ZFYVE9: variants seen among roughly 807,000 people sequenced by gnomAD.
ZFYVE9 encodes zinc finger FYVE-type containing 9.
ZFYVE9 carries 43 observed loss-of-function variants against 126.7 expected under a neutral mutation model. The observed-to-expected ratio is 0.34, with a 90% CI of 0.27 to 0.44. ZFYVE9 has a LOEUF of 0.44. Among genes scored for constraint, ZFYVE9 ranks in the 20% least tolerant of loss-of-function variants. ZFYVE9 has a pLI of 1.00. For synonymous variants in ZFYVE9, 521 were observed against 597.4 expected, an observed-to-expected ratio of 0.87 and a Z score of 1.87; for missense variants, 1,476 against 1,697.0, an observed-to-expected ratio of 0.87 and a Z score of 2.29.
At chr1:52,203,651 AG>A (rs1293238866) in intron 1 of ZFYVE9, among the ~76,000 whole-genome samples, 3 of 151,448 alleles carry the variant, frequency 2.0e-5, no homozygotes, top group African/African-American at 7.3e-5. Flanking sequence ...TTTAGTTACA[AG>A]TATTTTTTTC....
chr1:52,271,395 C>T (rs141750761), intron 7 of ZFYVE9, among the ~76,000 whole-genome samples: 1,614 of 152,198 alleles, frequency 0.011, 22 homozygotes, highest in African/African-American at 0.036. Flanking sequence ...TGGCACTTAA[C>T]AAGTGCCCAG....
intron 13 of ZFYVE9, among the ~76,000 whole-genome samples, chr1:52,310,556 A>G (rs1343174432): frequency 6.6e-6 from 1 of 152,124 alleles, no homozygotes; most frequent in Admixed American, 6.6e-5. Context: ...GCAAAAAAAG[A>G]CACATAGAAC....
intron 1 of ZFYVE9, among the ~76,000 whole-genome samples, chr1:52,152,351 T>C (rs494163): frequency 0.97 from 147,277 of 152,250 alleles, 71,251 homozygotes; most frequent in East Asian, 1. Flanking sequence ...TAGTAATTAA[T>C]ACCCTTTACT....
At chr1:52,213,235 T>C (rs953409213) in intron 1 of ZFYVE9, among the ~76,000 whole-genome samples, 4 of 152,214 alleles carry the variant, frequency 2.6e-5, no homozygotes, top group Non-Finnish European at 1.5e-5. Flanking sequence ...TTCCTTTATT[T>C]TTCTGAACTA....
chr1:52,242,473 G>A (rs1407344765), intron 4 of ZFYVE9, among the ~76,000 whole-genome samples: 6 of 152,032 alleles, frequency 3.9e-5, no homozygotes, highest in Non-Finnish European at 7.3e-5. Context: ...TAGAACATAC[G>A]GGTGCTCAGT....
At chr1:52,316,806 G>A (rs965386991) in intron 13 of ZFYVE9, among the ~76,000 whole-genome samples, 5 of 152,074 alleles carry the variant, frequency 3.3e-5, no homozygotes, top group Admixed American at 1.3e-4. Context: ...AAAATCAGCG[G>A]GACTATGGAA....
At chr1:52,266,943 G>T in intron 6 of ZFYVE9, 112 bp downstream of exon 6, 1 of 1,009,600 alleles carries the variant, frequency 9.9e-7, no homozygotes, top group Non-Finnish European at 1.4e-6. Flanking sequence ...AAGTCTCTTT[G>T]GGTGGTTATT....
chr1:52,296,092 A>T (rs1569697649), intron 12 of ZFYVE9, 115 bp downstream of exon 12: 1 of 752,270 alleles, frequency 1.3e-6, no homozygotes, highest in Non-Finnish European at 2.2e-6. Context: ...GCAGGTAAAG[A>T]TATATGCTGA....
At chr1:52,241,636 T>A (rs1439757503) in intron 4 of ZFYVE9, among the ~76,000 whole-genome samples, 2 of 152,182 alleles carry the variant, frequency 1.3e-5, no homozygotes, top group Non-Finnish European at 2.9e-5. Context: ...TGAGTAGAAT[T>A]TGTGGAATTT....
intron 1 of ZFYVE9, among the ~76,000 whole-genome samples, chr1:52,173,948 AACCGGCTCCT>A (rs1215640576): frequency 6.7e-6 from 1 of 148,642 alleles, no homozygotes; most frequent in Non-Finnish European, 1.5e-5. Context: ...CCTTTCAAAA[AACCGGCTCCT>A]GGATTCATTA....
chr1:52,233,533 G>T (rs1645244215), intron 3 of ZFYVE9, among the ~76,000 whole-genome samples: 1 of 152,158 alleles, frequency 6.6e-6, no homozygotes. Flanking sequence ...GAGTTATCTT[G>T]TGAACAAGTG....
rs111464705 is a variant in ZFYVE9, at chr1:52,323,868, G to A, written c.3439-8900G>A. On this transcript the variant is annotated intron_variant, in intron 13 of 18. Transcript: ENST00000287727. Reference sequence around the variant, plus strand: ...GGAGTTCACAACCACCCTGACTAACGTGGTGAAACCCCGTCTCTACTAAAT... The same window carrying A: ...GGAGTTCACAACCACCCTGACTAACATGGTGAAACCCCGTCTCTACTAAAT... Among the ~76,000 whole-genome samples the A allele has an allele frequency of 5.4e-3, 788 of 146,286 alleles. 3 individuals carry two copies. Among genetic ancestry groups the A allele is most frequent in the Non-Finnish European group, 8.9e-3 (599 of 67,054 alleles).
chr1:52,149,613 A>T (rs1471709737), intron 1 of ZFYVE9, among the ~76,000 whole-genome samples: 1 of 152,128 alleles, frequency 6.6e-6, no homozygotes, highest in East Asian at 1.9e-4. Flanking sequence ...ATATTACCCG[A>T]TGTTTTGGTT....
At chr1:52,288,351 G>A (rs1645883492) in intron 10 of ZFYVE9, among the ~76,000 whole-genome samples, 1 of 152,188 alleles carries the variant, frequency 6.6e-6, no homozygotes, top group Non-Finnish European at 1.5e-5. Flanking sequence ...CTGTGTAGCA[G>A]TGGTGCCATC....
In ZFYVE9 at chr1:52,238,637, T is replaced by G. The variant is rs1485403717; in HGVS notation, c.1220T>G (p.Leu407Arg). 2 of 1,613,912 alleles carry G rather than the reference T, an allele frequency of 1.2e-6. No homozygotes were observed. Among genetic ancestry groups the G allele is most frequent in the Non-Finnish European group, 1.7e-6 (2 of 1,179,988 alleles). Reference protein sequence around the residue: ...QDMTNWKLTKLNEMNDSQVNE... With the variant: ...QDMTNWKLTKRNEMNDSQVNE... ...ATGACTAATTGGAAGTTGACTAAAC[T>G]AAATGAGATGAATGATAGCCAAGTA... Residue 407 changes from leucine (L) to arginine (R), a missense_variant, in exon 4 of 19, where the codon CTA becomes CGA. By Grantham distance (102) the Leu-to-Arg change is moderately radical. Around this residue, in one of 2 missense-constraint regions of ZFYVE9, gnomAD observed 807 missense variants for 794.6 expected, o/e 1.02. Transcript: ENST00000287727.
At chr1:52,269,138 T>G (rs1333913464) in intron 7 of ZFYVE9, among the ~76,000 whole-genome samples, 3 of 152,124 alleles carry the variant, frequency 2.0e-5, no homozygotes, top group African/African-American at 7.2e-5. Context: ...TTGGATACTT[T>G]TTTTTCTTTT....
chr1:52,212,661 CTTAA>C (rs1282800948), intron 1 of ZFYVE9, among the ~76,000 whole-genome samples: 3 of 152,108 alleles, frequency 2.0e-5, no homozygotes, highest in South Asian at 4.1e-4. Context: ...ATATGCTATA[CTTAA>C]TTAAATAATT....
intron 1 of ZFYVE9, chr1:52,160,500 CG>C (rs1462005582): frequency 2.5e-6 from 2 of 789,154 alleles, no homozygotes; most frequent in Admixed American, 3.4e-5. Flanking sequence ...TCACCTGAAG[CG>C]GCTACTCTAG....
Position 52,238,534 on chromosome 1 carries a change from G to A in ZFYVE9, c.1117G>A (p.Glu373Lys). The A allele has an allele frequency of 1.2e-6, 2 of 1,614,038 alleles. No individual in the cohort carries two copies. Among genetic ancestry groups the A allele is most frequent in the Admixed American group, 1.7e-5 (1 of 60,002 alleles). ...TAATGAAGTTAGGGCTGATGAAAAT[G>A]AAGGTTATGAACATGAAGAAACTCT... ...VPNEVRADEN[E>K]GYEHEETLGT... The change falls in exon 4 of 19, where the codon GAA (glutamate) becomes AAA (lysine). Residue 373 changes from glutamate to lysine, a missense_variant. Physicochemically the swap from Glu to Lys is moderately conservative, Grantham distance 56. Transcript: ENST00000287727.
Sources: allele counts gnomAD v4.1 joint callset (sites outside exome capture counted in the v4.1 genomes callset), GRCh38; gene constraint gnomAD v4.1.1; regional missense constraint gnomAD v4.1.1; transcripts MANE v1.5; gene names NCBI Gene and HGNC (gene_info 2026-07-23, HGNC 2026-07-21).